Variants in MYLK3 observed in about 807,000 individuals in gnomAD.
The protein encoded by MYLK3 is MLC kinase.
A neutral mutation model predicts 76.3 loss-of-function variants in MYLK3; 55 were observed. The ratio of observed to expected loss-of-function variants is 0.72; its 90% CI spans 0.58 to 0.90. The LOEUF is 0.90. Among genes scored for constraint, MYLK3 ranks in the 40% least tolerant of loss-of-function variants. MYLK3 has a pLI of 0.00. For missense variants in MYLK3, 973 were observed against 1,053.6 expected, an observed-to-expected ratio of 0.92 and a Z score of 1.06; for synonymous variants, 416 against 425.4, an observed-to-expected ratio of 0.98 and a Z score of 0.27.
intron 1 of MYLK3, among the ~76,000 whole-genome samples, 162 bp from the exon 2 acceptor site, chr16:46,740,309 T>C (rs1966908169): frequency 6.6e-6 from 1 of 152,054 alleles, no homozygotes; most frequent in Non-Finnish European, 1.5e-5. Flanking sequence ...ATTATCACTT[T>C]AGAGAGAAGG....
At chr16:46,724,038 C>T (rs1966825742) in intron 8 of MYLK3, among the ~76,000 whole-genome samples, 1 of 152,196 alleles carries the variant, frequency 6.6e-6, no homozygotes, top group South Asian at 2.1e-4. Flanking sequence ...TTTTGATTTA[C>T]AATTCCCTAG....
chr16:46,740,771 C>CA (rs1966919070), intron 1 of MYLK3, among the ~76,000 whole-genome samples: 1 of 151,972 alleles, frequency 6.6e-6, no homozygotes, highest in African/African-American at 2.4e-5. Flanking sequence ...AGGCTGGTCT[C>CA]AAGCTCCTGG....
intron 1 of MYLK3, among the ~76,000 whole-genome samples, chr16:46,756,212 G>T (rs1371061660): frequency 6.6e-6 from 1 of 152,132 alleles, no homozygotes; most frequent in East Asian, 1.9e-4. Context: ...GCCCAGCCCA[G>T]AGTTCTTACA....
intron 7 of MYLK3, among the ~76,000 whole-genome samples, chr16:46,727,807 G>A (rs1466627881): frequency 2.6e-5 from 4 of 152,320 alleles, no homozygotes; most frequent in East Asian, 3.9e-4. Flanking sequence ...GATTATAGGC[G>A]TGAGCCACCC....
chr16:46,735,191 G>T (rs1379999574), intron 3 of MYLK3, among the ~76,000 whole-genome samples: 1 of 151,768 alleles, frequency 6.6e-6, no homozygotes, highest in Non-Finnish European at 1.5e-5. Flanking sequence ...ACATTATGTG[G>T]TTTTTACCCC....
chr16:46,742,314 T>C (rs1478286097), intron 1 of MYLK3, among the ~76,000 whole-genome samples: 1 of 152,026 alleles, frequency 6.6e-6, no homozygotes, highest in East Asian at 1.9e-4. Flanking sequence ...CCCAGCACTT[T>C]GGGAGGCCGA....
chr16:46,737,068 C>T (rs1263247737), intron 3 of MYLK3, among the ~76,000 whole-genome samples: 2 of 152,360 alleles, frequency 1.3e-5, no homozygotes, highest in African/African-American at 4.8e-5. Flanking sequence ...CCCTGTCCTT[C>T]TCTCCCCACC....
rs1029130878 is a variant in MYLK3, at chr16:46,748,166, C to A, written c.28G>T (p.Gly10Trp). 1 of 1,613,908 alleles carries A rather than the reference C, an allele frequency of 6.2e-7. No individual in the cohort carries two copies. Among genetic ancestry groups the A allele is most frequent in the Non-Finnish European group, 8.5e-7 (1 of 1,179,874 alleles). The change falls in exon 1 of 13, where the codon GGG becomes TGG. Residue 10 changes from glycine to tryptophan, a missense_variant. Gly to Trp is a radical substitution (Grantham distance 184). This residue lies in a region of MYLK3 where 641 missense variants were observed against 637.0 expected (regional missense o/e 1.01). Transcript: ENST00000394809. The surrounding 1 kb of genome is among the most constrained non-coding windows in gnomAD (Gnocchi z 4.3). The part of the protein sequence containing the change: MSGTSKESL[G>W]HGGLPGLGKT... ...CCCAACCCTGGCAGCCCCCCATGCCCCAGACTCTCCTTGGAGGTTCCTGAC... is the reference window on the plus strand; with the variant it reads ...CCCAACCCTGGCAGCCCCCCATGCCACAGACTCTCCTTGGAGGTTCCTGAC...
At position 46,705,023 on chromosome 16, in the gene MYLK3, A is replaced by G. The variant is rs1305563986; in HGVS notation, c.*2681T>C. ...CAGCTGACCAACTTGGAGCAGGCCT[A>G]GACTTGCTGGTATTGAAACTGTTAG... On this transcript the variant is annotated 3_prime_UTR_variant, in exon 13 of 13. Transcript: ENST00000394809. 1.3e-5 allele frequency: 2 copies of G among 152,242 alleles called. No homozygotes were observed. Among genetic ancestry groups the G allele is most frequent in the Non-Finnish European group, 2.9e-5 (2 of 68,044 alleles). 9.4% of individuals were successfully genotyped at this position (152,242 alleles called of 1,614,324 possible). A position where few individuals can be genotyped will look rare whatever the true frequency, so the allele number is the denominator to read the frequency against.
chr16:46,732,396 C>A lies in MYLK3; in HGVS notation c.1274G>T (p.Gly425Val). The A allele has an allele frequency of 6.2e-7, 1 of 1,613,610 alleles. No homozygotes were observed. The highest frequency in any genetic ancestry group is 8.5e-7 in the Non-Finnish European group (1 of 1,180,004). Reference sequence around the variant, plus strand: ...ACTCCTGGCCAAGCTTGGTCTCGTGCCAGGCTCGGCCCCAGCCCTTTGCTC... The same window carrying A: ...ACTCCTGGCCAAGCTTGGTCTCGTGACAGGCTCGGCCCCAGCCCTTTGCTC... Reference protein sequence around the residue: ...EEEQRAGAEPGTRPSLARSDD... With the variant: ...EEEQRAGAEPVTRPSLARSDD... The change falls in exon 4 of 13, where the codon GGC becomes GTC. Residue 425 changes from glycine to valine, a missense_variant. Transcript: ENST00000394809.
rs869207639 is a variant in MYLK3 at position 46,740,551 on chromosome 16, ATTT to A, written c.478-407_478-405del. ...TATATACATACATATATATATATAT[ATTT>A]TTTTTTTTTTTTTTTGAGACAAGGT... On this transcript the variant is annotated intron_variant, in intron 1 of 12. Transcript: ENST00000394809. Among the ~76,000 whole-genome samples the A allele has an allele frequency of 8.3e-4, 107 of 128,356 alleles. 2 individuals carry two copies. The highest frequency in any genetic ancestry group is 3.2e-3 in the African/African-American group (105 of 33,294). 84.2% of individuals were successfully genotyped at this position (128,356 alleles called of 152,430 possible).
intron 1 of MYLK3, among the ~76,000 whole-genome samples, chr16:46,756,244 C>T (rs1967199416): frequency 6.6e-6 from 1 of 152,188 alleles, no homozygotes; most frequent in African/African-American, 2.4e-5. Context: ...GATTAAAATA[C>T]AATCATTGAT....
chr16:46,747,570 TAAG>T, intron 1 of MYLK3, 144 bp downstream of exon 1: 1 of 804,074 alleles, frequency 1.2e-6, no homozygotes, highest in Non-Finnish European at 2.0e-6. Flanking sequence ...CTATGACCTG[TAAG>T]TTTCCAGCTC....
intron 9 of MYLK3, among the ~76,000 whole-genome samples, chr16:46,717,194 C>T (rs1297083156): frequency 1.3e-5 from 2 of 152,222 alleles, no homozygotes; most frequent in South Asian, 2.1e-4. Context: ...TGGGATCTGA[C>T]GCTATCTCCC....
In MYLK3 at chr16:46,729,089, G is replaced by T; in HGVS notation, c.1707C>A (p.His569Gln). The change falls in exon 7 of 13, where the codon CAC (histidine) becomes CAA (glutamine). Residue 569 changes from histidine (H) to glutamine (Q), a missense_variant. Physicochemically the swap from His to Gln is conservative, Grantham distance 24. Transcript: ENST00000394809. ...NEINIMNQLS[H>Q]VNLIQLYDAF... ...CGTCATAGAGCTGGATCAGGTTCAC[G>T]TGGCTGAGCTGGTTCATGATGTTGA... 6.2e-7 allele frequency: 1 copy of T among 1,614,166 alleles called. No homozygotes were observed. The highest frequency in any genetic ancestry group is 8.5e-7 in the Non-Finnish European group (1 of 1,179,982).
At chr16:46,746,994 G>A (rs1313833698) in intron 1 of MYLK3, among the ~76,000 whole-genome samples, 5 of 152,172 alleles carry the variant, frequency 3.3e-5, no homozygotes, top group Admixed American at 1.3e-4. Flanking sequence ...GTGAGTCACT[G>A]CAGGGGTCTG....
At position 46,703,321 on chromosome 16, in the gene MYLK3, T is replaced by C. The variant is rs1966594826; in HGVS notation, c.*4383A>G. The C allele has an allele frequency of 6.6e-6, 1 of 152,224 alleles. No homozygotes were observed. The highest frequency in any genetic ancestry group is 1.5e-5 in the Non-Finnish European group (1 of 68,030). The allele number at this position is 152,224 out of a possible 1,614,324, so 9.4% of individuals were successfully genotyped here. A position where few individuals can be genotyped will look rare whatever the true frequency, so the allele number is the denominator to read the frequency against. ...AAACATCATTTTGAATAAATCTCTA[T>C]ACAATTGTTCAAGTACGGAGGGATA... On this transcript the variant is annotated 3_prime_UTR_variant, in exon 13 of 13. Coordinates refer to ENST00000394809, the MANE Select transcript of MYLK3 (RefSeq NM_182493.3).
rs902872290 is a variant in MYLK3, at chr16:46,702,672, A to C, written c.*5032T>G. 1.3e-5 allele frequency among the ~76,000 whole-genome samples: 2 copies of C among 152,222 alleles called. No homozygotes were observed. Among genetic ancestry groups the C allele is most frequent in the Admixed American group, 6.5e-5 (1 of 15,282 alleles). ...CGCAGTGGCTCACACCTGTAATCCC[A>C]GCACTTTGGGAGGCCGAGGTGGGCA... On this transcript the variant is annotated 3_prime_UTR_variant, in exon 13 of 13. Transcript: ENST00000394809.
intron 4 of MYLK3, 114 bp downstream of exon 4, chr16:46,732,094 C>T (rs1000886447): frequency 1.1e-6 from 1 of 891,768 alleles, no homozygotes; most frequent in Non-Finnish European, 1.7e-6. Flanking sequence ...CTCTTGGACG[C>T]CCCCAGACTC....
Sources: gnomAD v4.1 joint callset for allele counts (sites outside exome capture counted in the v4.1 genomes callset) on GRCh38, gnomAD v4.1.1 for gene constraint, gnomAD v4.1.1 regional missense constraint, Gnocchi (gnomAD v3.1) non-coding constraint, MANE v1.5 for transcripts, NCBI Gene and HGNC (gene_info 2026-07-23, HGNC 2026-07-21) for gene names.